The following UBN1 variants were observed in gnomAD, a reference collection of about 807,000 sequenced individuals.
The protein encoded by UBN1 is ubinuclein-1.
Under a neutral mutation model 108.5 loss-of-function variants are expected in UBN1, and 17 were observed. That is an observed-to-expected ratio of 0.16 (90% confidence interval 0.11 to 0.24). The LOEUF is 0.24. UBN1 is among the 10% of genes least tolerant of loss of function. The pLI, the probability that UBN1 is intolerant of heterozygous loss-of-function variation, is 1.00. For missense variants in UBN1, 1,595 were observed against 1,394.4 expected (o/e 1.14, Z -2.29); for synonymous variants, 726 against 564.2 (o/e 1.29, Z -4.07).
chr16:4,858,312 G>A (rs1345040384), intron 3 of UBN1, among the ~76,000 whole-genome samples: 2 of 152,160 alleles, frequency 1.3e-5, no homozygotes, highest in African/African-American at 2.4e-5. Context: ...GGTCGCCTTA[G>A]AAGAAATATT....
Position 4,870,333 on chromosome 16 carries a change from T to A in UBN1, c.1303T>A (p.Tyr435Asn). ...LLKRARKLHL[Y>N]EQGGRLKEPL... The stretch of plus-strand genomic sequence containing the variant: ...CAAGCGTGCTCGGAAACTTCACCTC[T>A]ATGAACAGGTGGGTGACTCTAGAGT... Residue 435 changes from tyrosine (Y) to asparagine (N), a missense_variant, in exon 9 of 18, where the codon TAT becomes AAT. This residue lies in a region of UBN1 where 1,398 missense variants were observed against 1,194.7 expected (regional missense o/e 1.17). Coordinates refer to ENST00000262376, the MANE Select transcript of UBN1 (RefSeq NM_001079514.3). 3 of 1,614,102 alleles carry A rather than the reference T, an allele frequency of 1.9e-6. No individual in the cohort carries two copies. Among genetic ancestry groups the A allele is most frequent in the East Asian group, 2.2e-5 (1 of 44,868 alleles).
At chr16:4,875,558 C>T (rs1398674900) in intron 15 of UBN1, 124 bp downstream of exon 15, 29 of 1,372,538 alleles carry the variant, frequency 2.1e-5, no homozygotes, top group Non-Finnish European at 2.9e-5. Flanking sequence ...ACAGTGGGCT[C>T]AGACGTAGGA....
Position 4,858,047 on chromosome 16 carries a change from G to A in UBN1, c.307G>A (p.Ala103Thr), listed in dbSNP as rs567620825. 6.2e-7 allele frequency: 1 copy of A among 1,613,120 alleles called. No homozygotes were observed. The highest frequency in any genetic ancestry group is 8.5e-7 in the Non-Finnish European group (1 of 1,179,728). Residue 103 changes from alanine to threonine, a missense_variant, in exon 3 of 18, where the codon GCC becomes ACC. Physicochemically the swap from Ala to Thr is moderately conservative, Grantham distance 58. Coordinates refer to ENST00000262376, the MANE Select transcript of UBN1 (RefSeq NM_001079514.3). ...AGAAAAGGAAAGGCATAAAGTAGAG[G>A]CCCTTGCCCGAAAATTTGAAGAAAA... ...DEEKERHKVEALARKFEEKYG... is the reference protein window; with the variant it reads ...DEEKERHKVETLARKFEEKYG...
At chr16:4,868,692 C>G (rs2087456396) in intron 7 of UBN1, 141 bp from the exon 8 acceptor site, 3 of 702,594 alleles carry the variant, frequency 4.3e-6, no homozygotes, top group Admixed American at 2.9e-5. Context: ...TAACCTGGGA[C>G]TAGGGTGGAG....
At position 4,877,637 on chromosome 16, in the gene UBN1, G is replaced by T. The variant is rs550373799; in HGVS notation, c.3355+163G>T. 3 of 1,348,634 alleles carry T rather than the reference G, an allele frequency of 2.2e-6. No individual in the cohort carries two copies. The highest frequency in any genetic ancestry group is 7.2e-5 in the Admixed American group (2 of 27,662). The allele number at this position is 1,348,634 out of a possible 1,614,324, so 83.5% of individuals were successfully genotyped here. Reference sequence around the variant, plus strand: ...GCTTTGTCAGTACTCAGGGTGACACGCACTTCTACTCTTGGGGTTTCCTCT... The same window carrying T: ...GCTTTGTCAGTACTCAGGGTGACACTCACTTCTACTCTTGGGGTTTCCTCT... On this transcript the variant is annotated intron_variant, in intron 17 of 17. Transcript: ENST00000262376. This position sits in a 1 kb window ranked among gnomAD's most constrained non-coding sequence, Gnocchi z 4.3.
rs148473616 is a variant in UBN1, at chr16:4,868,898, A to C, written c.1176A>C (p.Leu392=). Residue 392 remains leucine, a synonymous_variant, in exon 8 of 18, where the codon CTA becomes CTC. Coordinates refer to ENST00000262376, the MANE Select transcript of UBN1 (RefSeq NM_001079514.3). ...KFFTQDINGI[L]LDIEAQTREL... ...TCACCCAGGATATTAATGGAATCCT[A>C]TTAGAGTGAGTATCGTCTGTCTGTC... 1 of 1,613,860 alleles carries C rather than the reference A, an allele frequency of 6.2e-7. No individual in the cohort carries two copies. The highest frequency in any genetic ancestry group is 1.1e-5 in the South Asian group (1 of 91,056).
In UBN1 at chr16:4,882,293, TA is replaced by T. The variant is rs2088098832; in HGVS notation, c.*2162del. The stretch of plus-strand genomic sequence containing the variant: ...TTTTGTGCAGCGACTATGTTGGTGT[TA>T]GGGGTGGTGTGGAGATTGTTAATCT... On this transcript the variant is annotated 3_prime_UTR_variant, in exon 18 of 18. Coordinates refer to ENST00000262376, the MANE Select transcript of UBN1 (RefSeq NM_001079514.3). 1 of 152,592 alleles carries T rather than the reference TA, an allele frequency of 6.6e-6. No individual in the cohort carries two copies. Among genetic ancestry groups the T allele is most frequent in the Admixed American group, 6.5e-5 (1 of 15,268 alleles). The allele number at this position is 152,592 out of a possible 1,614,324, so 9.5% of individuals were successfully genotyped here.
chr16:4,877,504 G>T lies in UBN1; in HGVS notation c.3355+30G>T, dbSNP rs2271134. ...TCACCCGACGGTCAGTGTGCCACGCGCACCGTGTGCCTTTGCCCTCTCCAC... is the reference window on the plus strand; with the variant it reads ...TCACCCGACGGTCAGTGTGCCACGCTCACCGTGTGCCTTTGCCCTCTCCAC... On this transcript the variant is annotated intron_variant, in intron 17 of 17. Coordinates refer to ENST00000262376, the MANE Select transcript of UBN1 (RefSeq NM_001079514.3). This position sits in a 1 kb window ranked among gnomAD's most constrained non-coding sequence, Gnocchi z 4.3. The T allele has an allele frequency of 1.6e-5, 26 of 1,588,586 alleles. No individual in the cohort carries two copies. In the East Asian group the frequency reaches 5.7e-4, roughly 35 times the overall value.
Position 4,861,065 on chromosome 16 carries a change from C to T in UBN1, c.1073C>T (p.Pro358Leu), listed in dbSNP as rs764006141. Residue 358 changes from proline (P) to leucine (L), a missense_variant, in exon 7 of 18, where the codon CCA becomes CTA. Transcript: ENST00000262376. ...CCCTCTTCTCTCCCCGAAGGCCTGC[C>T]AGCACCCCTGGAGAAGCGCGTTAAG... is the stretch of plus-strand genomic sequence containing the variant. ...RQPSSLPEGL[P>L]APLEKRVKEL... 4 of 1,613,888 alleles carry T rather than the reference C, an allele frequency of 2.5e-6. No homozygotes were observed. In the South Asian group the frequency reaches 4.4e-5, roughly 18 times the overall value.
At chr16:4,860,551 A>AT in intron 6 of UBN1, 113 bp from the exon 7 acceptor site, 83 of 1,082,244 alleles carry the variant, frequency 7.7e-5, no homozygotes, top group Middle Eastern at 2.2e-4. Flanking sequence ...GACAGGGTGG[A>AT]CTGTGACAGG....
rs1276337263 is a variant in UBN1 at position 4,870,248 on chromosome 16, C to T, written c.1218C>T (p.Val406=). 6.2e-7 allele frequency: 1 copy of T among 1,614,100 alleles called. No individual in the cohort carries two copies. Among genetic ancestry groups the T allele is most frequent in the East Asian group, 2.2e-5 (1 of 44,898 alleles). Residue 406 remains valine (V), a synonymous_variant, in exon 9 of 18, where the codon GTC becomes GTT. Coordinates refer to ENST00000262376, the MANE Select transcript of UBN1 (RefSeq NM_001079514.3). ...EAQTRELSSQ[V]RSGVYAYLAS... ...AGACTCGGGAGCTGAGCAGTCAGGT[C>T]CGCTCTGGGGTGTATGCCTATCTTG...
rs879760757 is a variant in UBN1 at position 4,870,623 on chromosome 16, A to G, written c.1419A>G (p.Ala473=). 2.4e-5 allele frequency: 38 copies of G among 1,613,976 alleles called. No individual in the cohort carries two copies. The highest frequency in any genetic ancestry group is 3.1e-5 in the Non-Finnish European group (36 of 1,180,040). ...YQDECQAHTQ[A]KVAKMLEEEK... is the part of the protein sequence containing the mutation. ...ACGAATGCCAGGCACACACGCAGGC[A>G]AAGGTTGCCAAGTAAGTTTGTCCTG... Residue 473 remains alanine (A), a synonymous_variant, in exon 10 of 18, where the codon GCA becomes GCG. Transcript: ENST00000262376.
chr16:4,868,793 G>A (rs1390017210), intron 7 of UBN1, 40 bp from the exon 8 acceptor site: 1 of 1,606,332 alleles, frequency 6.2e-7, no homozygotes, highest in Non-Finnish European at 8.5e-7. Flanking sequence ...GACATGTGGG[G>A]AAAGTGCACT....
chr16:4,860,588 G>T, intron 6 of UBN1, 76 bp from the exon 7 acceptor site: 1 of 1,415,748 alleles, frequency 7.1e-7, no homozygotes, highest in Non-Finnish European at 9.5e-7. Context: ...GACCCTGGGA[G>T]CAGGGGTGAA....
chr16:4,877,298 G>A lies in UBN1; in HGVS notation c.3266-87G>A, dbSNP rs551511558. On this transcript the variant is annotated intron_variant, in intron 16 of 17. Coordinates refer to ENST00000262376, the MANE Select transcript of UBN1 (RefSeq NM_001079514.3). This position sits in a 1 kb window ranked among gnomAD's most constrained non-coding sequence, Gnocchi z 4.3. ...GCCCAGACTGGCCTGGCAGGTTATC[G>A]GGGGCTTTTGGCTGCTGGAGCTGCT... The A allele has an allele frequency of 9.8e-5, 151 of 1,540,742 alleles. No homozygotes were observed. The highest frequency in any genetic ancestry group is 1.2e-4 in the Non-Finnish European group (141 of 1,139,034).
intron 2 of UBN1, among the ~76,000 whole-genome samples, chr16:4,856,451 T>C (rs1363931950): frequency 6.6e-6 from 1 of 152,210 alleles, no homozygotes; most frequent in Non-Finnish European, 1.5e-5. Context: ...CTCAGAGGAC[T>C]ATAGAAAGTT....
chr16:4,859,847 C>T lies in UBN1; in HGVS notation c.568-18C>T, dbSNP rs771001145. On this transcript the variant is annotated intron_variant, in intron 5 of 17. Coordinates refer to ENST00000262376, the MANE Select transcript of UBN1 (RefSeq NM_001079514.3). ...GAGTTAGGGAGCCGTGTAACTGTGC[C>T]TTGTCTTTAATTCTCAGAAGCGGAA... 1.2e-6 allele frequency: 2 copies of T among 1,613,464 alleles called. No individual in the cohort carries two copies. The highest frequency in any genetic ancestry group is 2.7e-5 in the African/African-American group (2 of 74,824).
At chr16:4,880,053 TGC>T (rs760973759) in intron 17 of UBN1, 28 bp from the exon 18 acceptor site, 13 of 1,613,086 alleles carry the variant, frequency 8.1e-6, no homozygotes, top group Non-Finnish European at 1.1e-5. Flanking sequence ...ATGAAAAACT[TGC>T]GTTCTAATTT....
intron 8 of UBN1, 148 bp downstream of exon 8, chr16:4,869,051 C>T (rs2087478058): frequency 2.6e-6 from 2 of 766,910 alleles, no homozygotes; most frequent in African/African-American, 1.8e-5. Context: ...AACATGGTTT[C>T]ATTGTTATTT....
Sources: gnomAD v4.1 joint callset for allele counts (sites outside exome capture counted in the v4.1 genomes callset) on GRCh38, gnomAD v4.1.1 for gene constraint, gnomAD v4.1.1 regional missense constraint, Gnocchi (gnomAD v3.1) non-coding constraint, MANE v1.5 for transcripts, NCBI Gene and HGNC (gene_info 2026-07-23, HGNC 2026-07-21) for gene names.